The following FLII variants were observed in gnomAD, a reference collection of about 807,000 sequenced individuals.
FLII encodes protein flightless-1 homolog.
FLII carries 101 observed loss-of-function variants against 156.2 expected under a neutral mutation model. The observed-to-expected ratio is 0.65, with a 90% CI of 0.55 to 0.76. FLII has a LOEUF of 0.76. Ranked by LOEUF, FLII falls within the 30% of genes least tolerant of loss-of-function variation. The pLI, the probability that FLII is intolerant of heterozygous loss-of-function variation, is 0.00. For missense variants in FLII, 1,675 were observed against 1,682.8 expected (o/e 1.00, Z 0.08); for synonymous variants, 767 against 685.8 (o/e 1.12, Z -1.85).
At position 18,252,034 on chromosome 17, in the gene FLII, C is replaced by T; in HGVS notation, c.1211G>A (p.Gly404Asp). ...FSLQNQLRLA[G>D]ASPATVAAAA... ...TGCAGCCACGGTAGCAGGAGAGGCA[C>T]CCGCTAGCCGCAGCTGGTTCTGCAG... Residue 404 changes from glycine (G) to aspartate (D), a missense_variant, in exon 11 of 30, where the codon GGT becomes GAT. Transcript: ENST00000327031. 1 of 1,613,156 alleles carries T rather than the reference C, an allele frequency of 6.2e-7. No individual in the cohort carries two copies. Among genetic ancestry groups the T allele is most frequent in the Non-Finnish European group, 8.5e-7 (1 of 1,179,952 alleles).
chr17:18,250,316 G>A (rs2048220213), intron 14 of FLII, among the ~76,000 whole-genome samples: 1 of 152,160 alleles, frequency 6.6e-6, no homozygotes, highest in South Asian at 2.1e-4. Context: ...AAAACTCGGG[G>A]CGGGTGGGGT....
intron 22 of FLII, 23 bp from the exon 23 acceptor site, chr17:18,246,851 G>GCAGGGGCTCGAGCCCCCAGCAC: frequency 6.2e-7 from 1 of 1,613,988 alleles, no homozygotes; most frequent in South Asian, 1.1e-5. Flanking sequence ...AAGGTTGTGA[G>GCAGGGGCTCGAGCCCCCAGCAC]CAGGGGCTCG....
intron 21 of FLII, 48 bp downstream of exon 21, chr17:18,247,121 C>CGGGGGGGGGGGGCG: frequency 1.4e-6 from 2 of 1,398,088 alleles, no homozygotes; most frequent in Non-Finnish European, 1.9e-6. Context: ...CGCCCTCGGC[C>CGGGGGGGGGGGGCG]TGCCCCCCAC....
chr17:18,247,886 C>T (rs373004221), intron 19 of FLII, 38 bp from the exon 20 acceptor site: 70 of 1,613,268 alleles, frequency 4.3e-5, no homozygotes, highest in Non-Finnish European at 5.5e-5. Flanking sequence ...GCCCAGCCAA[C>T]GGGGAGGGAT....
rs1201495675 is a variant in FLII, at chr17:18,252,009, T to G, written c.1236A>C (p.Ala412=). 4.3e-6 allele frequency: 7 copies of G among 1,612,788 alleles called. No individual in the cohort carries two copies. Among genetic ancestry groups the G allele is most frequent in the Non-Finnish European group, 5.1e-6 (6 of 1,179,634 alleles). ...LAGASPATVA[A]AAAAGSGPKD... ...CCTTTCCCCACTCACCAGCTGCAGCTGCAGCCACGGTAGCAGGAGAGGCAC... is the reference window on the plus strand; with the variant it reads ...CCTTTCCCCACTCACCAGCTGCAGCGGCAGCCACGGTAGCAGGAGAGGCAC... The change falls in exon 11 of 30, where the codon GCA becomes GCC. Residue 412 remains alanine, a synonymous_variant. Transcript: ENST00000327031.
chr17:18,258,894 C>T, upstream of FLII: 1 of 287,164 alleles, frequency 3.5e-6, no homozygotes, highest in Non-Finnish European at 6.4e-6. The surrounding 1 kb of genome is among the most constrained non-coding windows in gnomAD (Gnocchi z 4.2). Context: ...CCAAGGAGTG[C>T]GGGCCCCCCC....
rs774992487 is a variant in FLII, at chr17:18,247,960, G to GGA, written c.2262_2263dup (p.Pro755LeufsTer6). ...CATTCTTGGCATCAGCTCCACCTTGGGACGCTGCTTATGTTCCACGGAGAG... is the reference window on the plus strand; with the variant it reads ...CATTCTTGGCATCAGCTCCACCTTGGGAGACGCTGCTTATGTTCCACGGAGAG... On this transcript the variant is annotated frameshift_variant, in exon 19 of 30. Coordinates refer to ENST00000327031, the MANE Select transcript of FLII (RefSeq NM_002018.4). LOFTEE classifies it high-confidence loss of function. The GGA allele has an allele frequency of 6.2e-7, 1 of 1,614,170 alleles. No homozygotes were observed. The highest frequency in any genetic ancestry group is 8.5e-7 in the Non-Finnish European group (1 of 1,180,002).
rs760527800 is a variant in FLII at position 18,245,724 on chromosome 17, G to C, written c.3503+20C>G. On this transcript the variant is annotated intron_variant, in intron 27 of 29. Coordinates refer to ENST00000327031, the MANE Select transcript of FLII (RefSeq NM_002018.4). ...GCAGCAGTGCCAGGACTGAGGGGAG[G>C]GTCAGGGCCCTGGCCTCACCGGAAG... is the stretch of plus-strand genomic sequence containing the variant. 8 of 1,611,488 alleles carry C rather than the reference G, an allele frequency of 5.0e-6. No homozygotes were observed. Among genetic ancestry groups the C allele is most frequent in the Non-Finnish European group, 6.8e-6 (8 of 1,177,790 alleles).
In FLII at chr17:18,252,121, T is replaced by C. The variant is rs776305615; in HGVS notation, c.1124A>G (p.Asn375Ser). The C allele has an allele frequency of 1.2e-6, 2 of 1,613,302 alleles. No individual in the cohort carries two copies. The highest frequency in any genetic ancestry group is 1.7e-6 in the Non-Finnish European group (2 of 1,180,020). ...TGCGGGCTTGGGCGGCATGACCAGGTTGGGGTTCTCCCGCACATCCAGGAC... is the reference window on the plus strand; with the variant it reads ...TGCGGGCTTGGGCGGCATGACCAGGCTGGGGTTCTCCCGCACATCCAGGAC... ...IEVLDVRENP[N>S]LVMPPKPADR... is the part of the protein sequence containing the mutation. The change falls in exon 11 of 30, where the codon AAC (asparagine) becomes AGC (serine). Residue 375 changes from asparagine (N) to serine (S), a missense_variant. Asn to Ser is a conservative substitution (Grantham distance 46). Around this residue, in one of 2 missense-constraint regions of FLII, gnomAD observed 1,332 missense variants for 1,269.3 expected, o/e 1.05. Transcript: ENST00000327031.
chr17:18,256,704 C>T, intron 2 of FLII, 107 bp from the exon 3 acceptor site: 1 of 995,674 alleles, frequency 1.0e-6, no homozygotes, highest in Non-Finnish European at 1.5e-6. Flanking sequence ...GCCACACTGG[C>T]CCAACTACCC....
At chr17:18,258,831 T>C (rs2048510258), upstream of FLII, 1 of 418,618 alleles carries the variant, frequency 2.4e-6, no homozygotes, top group Admixed American at 5.0e-5. This position sits in a 1 kb window ranked among gnomAD's most constrained non-coding sequence, Gnocchi z 4.2. Context: ...AAGTGTAGGC[T>C]TTAGGCCTCT....
chr17:18,247,652 C>A lies in FLII; in HGVS notation c.2487+5G>T. On this transcript the variant is annotated splice_donor_5th_base_variant and intron_variant, in intron 20 of 29. Transcript: ENST00000327031. ...GGGGAGGGGCCTCCGAAGCTGCAAG[C>A]GCACCTGCGCCTCGGTGCCCTCGAG... The A allele has an allele frequency of 2.5e-6, 4 of 1,575,946 alleles. No individual in the cohort carries two copies. Among genetic ancestry groups the A allele is most frequent in the Non-Finnish European group, 3.4e-6 (4 of 1,167,234 alleles).
At position 18,245,007 on chromosome 17, in the gene FLII, G is replaced by C. The variant is rs1406037651; in HGVS notation, c.*131C>G. The C allele has an allele frequency of 1.0e-6, 1 of 1,000,516 alleles. No individual in the cohort carries two copies. The highest frequency in any genetic ancestry group is 1.6e-5 in the African/African-American group (1 of 62,104). 62.0% of individuals were successfully genotyped at this position (1,000,516 alleles called of 1,614,324 possible). ...AGGGTCATCCCCATTGGTGCTGCTT[G>C]AGGCTACTGGGGACTGTGGCACTGG... is the stretch of plus-strand genomic sequence containing the variant. On this transcript the variant is annotated 3_prime_UTR_variant, in exon 30 of 30. Transcript: ENST00000327031.
At position 18,246,946 on chromosome 17, in the gene FLII, A is replaced by T; in HGVS notation, c.2783T>A (p.Phe928Tyr). 6.2e-7 allele frequency: 1 copy of T among 1,614,126 alleles called. No individual in the cohort carries two copies. The highest frequency in any genetic ancestry group is 8.5e-7 in the Non-Finnish European group (1 of 1,180,024). Residue 928 changes from phenylalanine to tyrosine, a missense_variant, in exon 22 of 30, where the codon TTC (phenylalanine) becomes TAC (tyrosine). Physicochemically the swap from Phe to Tyr is conservative, Grantham distance 22. Around this residue, in one of 2 missense-constraint regions of FLII, gnomAD observed 1,332 missense variants for 1,269.3 expected, o/e 1.05. Transcript: ENST00000327031. ...ARLPEEEFGHFYTQDCYVFLC... is the reference protein window; with the variant it reads ...ARLPEEEFGHYYTQDCYVFLC... ...GAAGACGTAGCAGTCCTGCGTGTAGAAGTGGCCAAACTCCTCTTCCGGCAG... is the reference window on the plus strand; with the variant it reads ...GAAGACGTAGCAGTCCTGCGTGTAGTAGTGGCCAAACTCCTCTTCCGGCAG...
chr17:18,258,305 G>C lies in FLII; in HGVS notation c.63+323C>G. 9.0e-6 allele frequency: 5 copies of C among 555,154 alleles called. No homozygotes were observed. Among genetic ancestry groups the C allele is most frequent in the Non-Finnish European group, 1.2e-5 (4 of 326,206 alleles). 34.4% of individuals were successfully genotyped at this position (555,154 alleles called of 1,614,324 possible). On this transcript the variant is annotated intron_variant, in intron 1 of 29. Transcript: ENST00000327031. The surrounding 1 kb of genome is among the most constrained non-coding windows in gnomAD (Gnocchi z 4.2). ...TTGGGCGTGTGACCTCAGAGGGGCG[G>C]GGAGGCTCGCCCGATCCCCAGGCCA...
intron 14 of FLII, among the ~76,000 whole-genome samples, chr17:18,249,721 C>T (rs1025749239): frequency 9.9e-5 from 15 of 151,476 alleles, no homozygotes; most frequent in African/African-American, 1.2e-4. Context: ...ACCTGGGAGG[C>T]GGAGGTTGCA....
At chr17:18,256,744 C>G (rs2048430241) in intron 2 of FLII, 147 bp from the exon 3 acceptor site, 1 of 810,066 alleles carries the variant, frequency 1.2e-6, no homozygotes, top group South Asian at 1.6e-5. Flanking sequence ...CTCACCCGGC[C>G]TCTTCTTGCA....
Position 18,246,205 on chromosome 17 carries a change from G to A in FLII, c.3224C>T (p.Thr1075Ile). 6.2e-7 allele frequency: 1 copy of A among 1,614,172 alleles called. No individual in the cohort carries two copies. The highest frequency in any genetic ancestry group is 1.1e-5 in the South Asian group (1 of 91,082). ...CTCGGAGTTGAGGAGGCTGGAGTCG[G>A]TGTTGATCTGGATGCACCTGTGGAA... ...ALCTRCIQIN[T>I]DSSLLNSEFC... The change falls in exon 25 of 30, where the codon ACC (threonine) becomes ATC (isoleucine). Residue 1075 changes from threonine to isoleucine, a missense_variant. Physicochemically the swap from Thr to Ile is moderately conservative, Grantham distance 89. Around this residue, in one of 2 missense-constraint regions of FLII, gnomAD observed 1,332 missense variants for 1,269.3 expected, o/e 1.05. Coordinates refer to ENST00000327031, the MANE Select transcript of FLII (RefSeq NM_002018.4).
chr17:18,253,754 CA>C lies in FLII; in HGVS notation c.680-36del, dbSNP rs779353401. 5 of 1,553,888 alleles carry C rather than the reference CA, an allele frequency of 3.2e-6. No homozygotes were observed. In the Admixed American group the frequency reaches 9.2e-5, roughly 29 times the overall value. ...AGGGTGGGGTGCATCAGCTGGGGCCCATACACCAGGTGCCAGGGCAGCCAGC... is the reference window on the plus strand; with the variant it reads ...AGGGTGGGGTGCATCAGCTGGGGCCCTACACCAGGTGCCAGGGCAGCCAGC... On this transcript the variant is annotated intron_variant, in intron 7 of 29. Transcript: ENST00000327031.
Sources: allele counts gnomAD v4.1 joint callset (sites outside exome capture counted in the v4.1 genomes callset), GRCh38; gene constraint gnomAD v4.1.1; regional missense constraint gnomAD v4.1.1; non-coding constraint Gnocchi (gnomAD v3.1); transcripts MANE v1.5; gene names NCBI Gene and HGNC (gene_info 2026-07-23, HGNC 2026-07-21).